CNTN5: variants seen among roughly 807,000 people sequenced by gnomAD.
CNTN5 encodes the protein contactin-5.
CNTN5 carries 77 observed loss-of-function variants against 129.1 expected under a neutral mutation model. The ratio of observed to expected loss-of-function variants is 0.60; its 90% CI spans 0.50 to 0.72. The LOEUF (loss-of-function observed/expected upper bound fraction) is 0.72, where lower values mean the gene tolerates loss of function less well. Ranked by LOEUF, CNTN5 falls within the 30% of genes least tolerant of loss-of-function variation. The pLI is 0.00. For synonymous variants in CNTN5, 509 were observed against 465.6 expected (o/e 1.09, Z -1.20); for missense variants, 1,478 against 1,328.8 (o/e 1.11, Z -1.75).
intron 3 of CNTN5, among the ~76,000 whole-genome samples, chr11:99,706,212 C>T (rs1386062742): frequency 6.6e-6 from 1 of 151,244 alleles, no homozygotes; most frequent in East Asian, 1.9e-4. Flanking sequence ...CACAAGTGTG[C>T]ATAGGTGGAA....
At chr11:99,678,907 T>C (rs1591467653) in intron 3 of CNTN5, among the ~76,000 whole-genome samples, 2 of 150,942 alleles carry the variant, frequency 1.3e-5, no homozygotes, top group African/African-American at 4.9e-5. Flanking sequence ...TGTATTCCAT[T>C]CCAACCACTG....
intron 9 of CNTN5, among the ~76,000 whole-genome samples, chr11:100,043,333 A>G (rs1253560521): frequency 6.6e-6 from 1 of 152,184 alleles, no homozygotes. Flanking sequence ...TCATTTAACA[A>G]TAGCTTATGT....
intron 1 of CNTN5, among the ~76,000 whole-genome samples, chr11:99,287,408 A>G (rs576761585): frequency 8.5e-5 from 13 of 152,176 alleles, no homozygotes; most frequent in African/African-American, 3.1e-4. Flanking sequence ...TTTCAGATTA[A>G]TTTCTACTTA....
At chr11:99,332,554 G>A (rs891267382) in intron 2 of CNTN5, among the ~76,000 whole-genome samples, 3 of 151,862 alleles carry the variant, frequency 2.0e-5, no homozygotes, top group Non-Finnish European at 4.4e-5. Flanking sequence ...ATATACATAC[G>A]CCTGTTTTAT....
intron 3 of CNTN5, among the ~76,000 whole-genome samples, chr11:99,760,661 T>C (rs919302920): frequency 6.6e-6 from 1 of 152,152 alleles, no homozygotes; most frequent in Non-Finnish European, 1.5e-5. Flanking sequence ...ATATGCAAAA[T>C]ATAGTATTAA....
At chr11:100,190,391 G>A (rs1313551113) in intron 13 of CNTN5, among the ~76,000 whole-genome samples, 4 of 152,050 alleles carry the variant, frequency 2.6e-5, no homozygotes, top group African/African-American at 9.7e-5. Flanking sequence ...TTTGAAATCT[G>A]TATAATCCTG....
chr11:99,467,924 ATAAGATTC>A (rs1314415447), intron 2 of CNTN5, among the ~76,000 whole-genome samples: 37 of 152,138 alleles, frequency 2.4e-4, no homozygotes, highest in Admixed American at 2.0e-3. Context: ...ATTGGGAAAC[ATAAGATTC>A]TAAAATTTCC....
intron 2 of CNTN5, among the ~76,000 whole-genome samples, chr11:99,326,821 C>G (rs56132365): frequency 0.26 from 39,813 of 151,888 alleles, 5,870 homozygotes; most frequent in Middle Eastern, 0.38. Context: ...AAATTGAGTT[C>G]CATATAAATT....
At chr11:100,279,618 T>A (rs1939698) in intron 18 of CNTN5, among the ~76,000 whole-genome samples, 118,587 of 151,830 alleles carry the variant, frequency 0.78, 46,694 homozygotes, top group South Asian at 0.9. Flanking sequence ...CATAGTAGCC[T>A]CTAATGATCC....
intron 6 of CNTN5, among the ~76,000 whole-genome samples, chr11:99,883,191 A>G (rs1258658095): frequency 6.6e-6 from 1 of 152,200 alleles, no homozygotes; most frequent in Non-Finnish European, 1.5e-5. Flanking sequence ...CGGAGTGCAG[A>G]TGTCACTTTG....
intron 1 of CNTN5, among the ~76,000 whole-genome samples, chr11:99,248,596 G>A (rs943797926): frequency 2.0e-5 from 3 of 152,090 alleles, no homozygotes; most frequent in Non-Finnish European, 4.4e-5. Flanking sequence ...ATGGTTTTAG[G>A]TCTAACATTT....
chr11:100,045,086 C>A (rs1942597149), intron 9 of CNTN5, among the ~76,000 whole-genome samples: 1 of 151,684 alleles, frequency 6.6e-6, no homozygotes, highest in Non-Finnish European at 1.5e-5. Flanking sequence ...TATCTACTTA[C>A]CCCTAACCCA....
intron 13 of CNTN5, among the ~76,000 whole-genome samples, chr11:100,165,298 G>A (rs1947592671): frequency 6.6e-6 from 1 of 151,666 alleles, no homozygotes; most frequent in Non-Finnish European, 1.5e-5. Flanking sequence ...GTACTCCAGT[G>A]GGAAGTATCA....
chr11:99,801,682 A>G (rs1256741449), intron 3 of CNTN5, among the ~76,000 whole-genome samples: 1 of 152,076 alleles, frequency 6.6e-6, no homozygotes, highest in African/African-American at 2.4e-5. Flanking sequence ...GATCGGTTTA[A>G]GCTGTGAAAT....
intron 1 of CNTN5, among the ~76,000 whole-genome samples, chr11:99,229,840 TCAA>T (rs767258305): frequency 6.0e-4 from 91 of 152,204 alleles, no homozygotes; most frequent in Non-Finnish European, 1.1e-3. Context: ...GCTACTTCTG[TCAA>T]CATGGTTTGC....
chr11:99,157,714 T>A lies in CNTN5; in HGVS notation c.-210+136444T>A, dbSNP rs1408850898. Among the ~76,000 whole-genome samples the A allele has an allele frequency of 3.3e-5, 5 of 152,202 alleles. 1 individual carries two copies. Among genetic ancestry groups the A allele is most frequent in the Admixed American group, 1.3e-4 (2 of 15,272 alleles). On this transcript the variant is annotated intron_variant, in intron 1 of 24. Coordinates refer to ENST00000524871, the MANE Select transcript of CNTN5 (RefSeq NM_014361.4). ...ATATATCTTAAGCTACATTTCTCAG[T>A]ATGATTAGCTTGAGAAATATTTCAT...
intron 1 of CNTN5, among the ~76,000 whole-genome samples, chr11:99,298,815 T>A (rs1267286727): frequency 6.6e-6 from 1 of 151,840 alleles, no homozygotes; most frequent in Non-Finnish European, 1.5e-5. Flanking sequence ...ATTCCAACCC[T>A]GAGATAAACC....
chr11:99,592,625 A>C (rs1950013004), intron 3 of CNTN5, among the ~76,000 whole-genome samples: 1 of 152,186 alleles, frequency 6.6e-6, no homozygotes, highest in Non-Finnish European at 1.5e-5. Context: ...AGCGTTCAAA[A>C]AATTAGACAA....
intron 3 of CNTN5, among the ~76,000 whole-genome samples, chr11:99,753,588 C>T (rs1005570668): frequency 1.3e-5 from 2 of 148,888 alleles, no homozygotes; most frequent in Non-Finnish European, 3.0e-5. Context: ...CTTGTGGCCC[C>T]ACTAAACTAT....
Sources: allele counts gnomAD v4.1 joint callset (sites outside exome capture counted in the v4.1 genomes callset), GRCh38; gene constraint gnomAD v4.1.1; transcripts MANE v1.5; gene names NCBI Gene and HGNC (gene_info 2026-07-23, HGNC 2026-07-21).